The following RBM11 variants were observed in gnomAD, a reference collection of about 807,000 sequenced individuals.
The protein encoded by RBM11 is splicing regulator RBM11.
A neutral mutation model predicts 21.4 loss-of-function variants in RBM11; 18 were observed. The observed-to-expected ratio is 0.84, with a 90% CI of 0.58 to 1.25. The LOEUF (loss-of-function observed/expected upper bound fraction) is 1.25. RBM11 is among the 50% of genes most tolerant of loss of function. The pLI, the probability that RBM11 is intolerant of heterozygous loss-of-function variation, is 0.00. For missense variants in RBM11, 294 were observed against 331.9 expected (o/e 0.89, Z 0.89); for synonymous variants, 120 against 116.3 (o/e 1.03, Z -0.20).
intron 1 of RBM11, among the ~76,000 whole-genome samples, chr21:14,216,881 T>A (rs2020458261): frequency 6.6e-6 from 1 of 152,138 alleles, no homozygotes; most frequent in Non-Finnish European, 1.5e-5. Flanking sequence ...CTGTGTCCTG[T>A]ATACACGCTC....
At position 14,227,100 on chromosome 21, in the gene RBM11, A is replaced by G. The variant is rs1428663417; in HGVS notation, c.653A>G (p.His218Arg). ...GCATCCGTGTCTTCCTCACTGAATCATGTTCCAGATCTTGAGGCTGGACCC... is the reference window on the plus strand; with the variant it reads ...GCATCCGTGTCTTCCTCACTGAATCGTGTTCCAGATCTTGAGGCTGGACCC... ...NSASVSSSLN[H>R]VPDLEAGPSS... Residue 218 changes from histidine to arginine, a missense_variant, in exon 5 of 5, where the codon CAT becomes CGT. By Grantham distance (29) the His-to-Arg change is conservative (BLOSUM62 0). This residue lies in a region of RBM11 where 113 missense variants were observed against 167.3 expected (regional missense o/e 0.68). Transcript: ENST00000400577. The G allele has an allele frequency of 6.2e-7, 1 of 1,606,484 alleles. No individual in the cohort carries two copies. The highest frequency in any genetic ancestry group is 8.5e-7 in the Non-Finnish European group (1 of 1,178,114).
intron 2 of RBM11, among the ~76,000 whole-genome samples, chr21:14,220,288 T>A (rs923887916): frequency 6.6e-6 from 1 of 152,158 alleles, no homozygotes; most frequent in African/African-American, 2.4e-5. Context: ...CCTGCACGCA[T>A]ATCAGGAACA....
chr21:14,227,740 C>T lies in RBM11; in HGVS notation c.*447C>T, dbSNP rs1979232435. 1.3e-5 allele frequency: 2 copies of T among 159,074 alleles called. No individual in the cohort carries two copies. Among genetic ancestry groups the T allele is most frequent in the East Asian group, 1.9e-4 (1 of 5,378 alleles). The allele number at this position is 159,074 out of a possible 1,614,324, so 9.9% of individuals were successfully genotyped here. On this transcript the variant is annotated 3_prime_UTR_variant, in exon 5 of 5. Coordinates refer to ENST00000400577, the MANE Select transcript of RBM11 (RefSeq NM_144770.5). Reference sequence around the variant, plus strand: ...GATATTTAAGGATTGCATATTGTTCCTAATGAGGATGTAATAAACAGGCAT... The same window carrying T: ...GATATTTAAGGATTGCATATTGTTCTTAATGAGGATGTAATAAACAGGCAT...
chr21:14,220,108 G>A lies in RBM11; in HGVS notation c.259+383G>A, dbSNP rs545413952. On this transcript the variant is annotated intron_variant, in intron 2 of 4. Coordinates refer to ENST00000400577, the MANE Select transcript of RBM11 (RefSeq NM_144770.5). ...ACTGCTGATGTATGGTACTGAATCTGTACTATTTGGAAGATAGAGAGAGGG... is the reference window on the plus strand; with the variant it reads ...ACTGCTGATGTATGGTACTGAATCTATACTATTTGGAAGATAGAGAGAGGG... Among the ~76,000 whole-genome samples the A allele has an allele frequency of 4.1e-4, 62 of 152,228 alleles. 1 individual carries two copies. In the South Asian group the frequency reaches 0.012, roughly 31 times the overall value.
intron 2 of RBM11, among the ~76,000 whole-genome samples, chr21:14,220,189 T>C (rs755061770): frequency 7.2e-5 from 11 of 152,138 alleles, no homozygotes; most frequent in Non-Finnish European, 1.3e-4. Flanking sequence ...TTTTAGCCCC[T>C]GTAAGAGCAA....
intron 1 of RBM11, among the ~76,000 whole-genome samples, chr21:14,217,763 G>C (rs1199019313): frequency 6.6e-6 from 1 of 151,900 alleles, no homozygotes; most frequent in Non-Finnish European, 1.5e-5. Flanking sequence ...GAAATATAAA[G>C]TAAACTTAGA....
Position 14,227,051 on chromosome 21 carries a change from A to G in RBM11, c.604A>G (p.Met202Val), listed in dbSNP as rs1340556566. ...ACCAAGTGACTCTGACCTTTATCAG[A>G]TGACAGCTCCACTTCCTAATAGTGC... ...QQPSDSDLYQMTAPLPNSASV... is the reference protein window; with the variant it reads ...QQPSDSDLYQVTAPLPNSASV... The change falls in exon 5 of 5, where the codon ATG becomes GTG. Residue 202 changes from methionine to valine, a missense_variant. Coordinates refer to ENST00000400577, the MANE Select transcript of RBM11 (RefSeq NM_144770.5). 1 of 1,613,758 alleles carries G rather than the reference A, an allele frequency of 6.2e-7. No homozygotes were observed. The highest frequency in any genetic ancestry group is 8.5e-7 in the Non-Finnish European group (1 of 1,179,876).
rs750523972 is a variant in RBM11 at position 14,219,576 on chromosome 21, C to A, written c.110C>A (p.Thr37Asn). Reference protein sequence around the residue: ...YELFLQAGPLTKVTICKDREG... With the variant: ...YELFLQAGPLNKVTICKDREG... ...AGTTTCTTATAGGCGGGGCCACTAACCAAAGTGACTATATGCAAAGACAGA... is the reference window on the plus strand; with the variant it reads ...AGTTTCTTATAGGCGGGGCCACTAAACAAAGTGACTATATGCAAAGACAGA... Residue 37 changes from threonine (T) to asparagine (N), a missense_variant, in exon 2 of 5, where the codon ACC (threonine) becomes AAC (asparagine). Coordinates refer to ENST00000400577, the MANE Select transcript of RBM11 (RefSeq NM_144770.5). 4 of 1,525,290 alleles carry A rather than the reference C, an allele frequency of 2.6e-6. No homozygotes were observed. The highest frequency in any genetic ancestry group is 1.7e-4 in the Middle Eastern group (1 of 5,784). The allele number at this position is 1,525,290 out of a possible 1,614,324, so 94.5% of individuals were successfully genotyped here.
rs1206074907 is a variant in RBM11, at chr21:14,228,336, T to G, written c.*1043T>G. 1.3e-5 allele frequency: 2 copies of G among 152,036 alleles called. No individual in the cohort carries two copies. Among genetic ancestry groups the G allele is most frequent in the Non-Finnish European group, 2.9e-5 (2 of 67,998 alleles). The allele number at this position is 152,036 out of a possible 1,614,324, so 9.4% of individuals were successfully genotyped here. ...ATGTTGCCTAGCATTTTATAGATAT[T>G]TATTATTTAAAAAAATAAAGATATG... On this transcript the variant is annotated 3_prime_UTR_variant, in exon 5 of 5. Transcript: ENST00000400577.
chr21:14,223,761 A>C (rs369613182), intron 3 of RBM11, among the ~76,000 whole-genome samples: 2 of 152,180 alleles, frequency 1.3e-5, no homozygotes, highest in East Asian at 1.9e-4. Context: ...CTATGCCCTC[A>C]TGTATATTTT....
In RBM11 at chr21:14,216,287, C is replaced by T. The variant is rs756359788; in HGVS notation, c.96+5C>T. On this transcript the variant is annotated splice_donor_5th_base_variant and intron_variant, in intron 1 of 4. Coordinates refer to ENST00000400577, the MANE Select transcript of RBM11 (RefSeq NM_144770.5). Reference sequence around the variant, plus strand: ...CTGTACGAGCTGTTCCTTCAGGTACCGTCTCTGGGAAGGGGCGGCGGAGGG... The same window carrying T: ...CTGTACGAGCTGTTCCTTCAGGTACTGTCTCTGGGAAGGGGCGGCGGAGGG... The T allele has an allele frequency of 1.1e-5, 18 of 1,612,310 alleles. No homozygotes were observed. The highest frequency in any genetic ancestry group is 8.4e-5 in the Admixed American group (5 of 59,856).
intron 2 of RBM11, among the ~76,000 whole-genome samples, chr21:14,220,272 A>T (rs570979709): frequency 6.6e-6 from 1 of 152,212 alleles, no homozygotes; most frequent in South Asian, 2.1e-4. Flanking sequence ...GGCCTCAACA[A>T]CTTCTCCTGC....
intron 2 of RBM11, 145 bp downstream of exon 2, chr21:14,219,870 A>G: frequency 1.8e-6 from 1 of 547,034 alleles, no homozygotes; most frequent in Non-Finnish European, 3.0e-6. Flanking sequence ...ATTTTCTCAG[A>G]ACACGTGTCT....
intron 1 of RBM11, among the ~76,000 whole-genome samples, chr21:14,218,232 G>A (rs770182857): frequency 9.9e-5 from 15 of 152,126 alleles, no homozygotes; most frequent in Non-Finnish European, 1.9e-4. Context: ...TTCAAATCAC[G>A]TAAGCATGTT....
intron 3 of RBM11, among the ~76,000 whole-genome samples, chr21:14,222,316 T>G (rs62226932): frequency 0.13 from 20,464 of 152,068 alleles, 1,680 homozygotes; most frequent in Non-Finnish European, 0.19. Flanking sequence ...TACTTATATA[T>G]AGAGAGAGAA....
intron 4 of RBM11, among the ~76,000 whole-genome samples, chr21:14,225,213 C>T (rs1270973651): frequency 2.0e-5 from 3 of 152,042 alleles, no homozygotes; most frequent in Non-Finnish European, 4.4e-5. Context: ...TGCTTTTGGA[C>T]ATGGATTTTT....
chr21:14,222,341 G>A (rs995213957), intron 3 of RBM11, among the ~76,000 whole-genome samples: 4 of 151,978 alleles, frequency 2.6e-5, no homozygotes, highest in African/African-American at 9.7e-5. Flanking sequence ...AGCTCTACTA[G>A]CTACATTTCT....
intron 1 of RBM11, among the ~76,000 whole-genome samples, chr21:14,217,842 G>A (rs986413098): frequency 6.6e-6 from 1 of 152,024 alleles, no homozygotes; most frequent in Non-Finnish European, 1.5e-5. Flanking sequence ...GACTGGGGTG[G>A]GATTGCATTA....
intron 4 of RBM11, among the ~76,000 whole-genome samples, chr21:14,225,599 A>G (rs1017861636): frequency 2.6e-5 from 4 of 152,186 alleles, no homozygotes; most frequent in African/African-American, 2.4e-5. Context: ...GATTTGTTAA[A>G]TATCCATTTT....
Sources: gnomAD v4.1 joint callset for allele counts (sites outside exome capture counted in the v4.1 genomes callset) on GRCh38, gnomAD v4.1.1 for gene constraint, gnomAD v4.1.1 regional missense constraint, MANE v1.5 for transcripts, NCBI Gene and HGNC (gene_info 2026-07-23, HGNC 2026-07-21) for gene names.